MYBPC1: variants seen among roughly 807,000 people sequenced by gnomAD.
The protein encoded by MYBPC1 is myosin-binding protein C, slow-type.
In MYBPC1, 52 loss-of-function variants were observed where a neutral mutation model predicts 147.1. That is an observed-to-expected ratio of 0.35 (90% CI 0.28 to 0.45). The LOEUF (loss-of-function observed/expected upper bound fraction) is 0.45, where lower values mean the gene tolerates loss of function less well. Among genes scored for constraint, MYBPC1 ranks in the 20% least tolerant of loss-of-function variants. MYBPC1 has a pLI of 1.00. For synonymous variants in MYBPC1, 477 were observed against 475.9 expected (o/e 1.00, Z -0.03); for missense variants, 1,228 against 1,440.3 (o/e 0.85, Z 2.39).
chr12:101,605,218 T>C (rs559484965), intron 1 of MYBPC1, among the ~76,000 whole-genome samples: 1 of 152,328 alleles, frequency 6.6e-6, no homozygotes, highest in African/African-American at 2.4e-5. Context: ...TATTGCCCTT[T>C]TGTCTCTATT....
At chr12:101,657,038 T>A (rs1202548909) in intron 18 of MYBPC1, among the ~76,000 whole-genome samples, 1 of 151,812 alleles carries the variant, frequency 6.6e-6, no homozygotes, top group Non-Finnish European at 1.5e-5. Context: ...AATAAATAAA[T>A]TACAGAAGTG....
At chr12:101,661,059 G>A in intron 19 of MYBPC1, 99 bp from the exon 20 acceptor site, 1 of 762,806 alleles carries the variant, frequency 1.3e-6, no homozygotes, top group Non-Finnish European at 2.2e-6. Context: ...AGAAATAACA[G>A]TTTCAATGAT....
chr12:101,616,344 T>C (rs1886064723), intron 2 of MYBPC1, among the ~76,000 whole-genome samples: 1 of 152,188 alleles, frequency 6.6e-6, no homozygotes, highest in African/African-American at 2.4e-5. Flanking sequence ...AACAAACCTT[T>C]CCCTTCTGTT....
At chr12:101,616,140 A>G (rs1174244101) in intron 2 of MYBPC1, among the ~76,000 whole-genome samples, 1 of 152,220 alleles carries the variant, frequency 6.6e-6, no homozygotes, top group Non-Finnish European at 1.5e-5. Flanking sequence ...GAAATGAACG[A>G]AAACTGGCTC....
At chr12:101,684,914 T>G (rs1951261657) in intron 31 of MYBPC1, among the ~76,000 whole-genome samples, 1 of 152,212 alleles carries the variant, frequency 6.6e-6, no homozygotes, top group Non-Finnish European at 1.5e-5. Context: ...ACCATGAATT[T>G]TTGTGGTTTC....
chr12:101,626,967 G>A, intron 4 of MYBPC1, 57 bp downstream of exon 4: 1 of 1,525,850 alleles, frequency 6.6e-7, no homozygotes, highest in Non-Finnish European at 9.1e-7. Context: ...ATTGACGGTA[G>A]AGGAAAAGAA....
At chr12:101,681,898 T>C (rs140647162) in intron 29 of MYBPC1, among the ~76,000 whole-genome samples, 1,772 of 152,086 alleles carry the variant, frequency 0.012, 39 homozygotes, top group African/African-American at 0.04. Flanking sequence ...CGTGAGCCAC[T>C]GCACCCAGCT....
In MYBPC1 at chr12:101,627,804, G is replaced by C; in HGVS notation, c.178G>C (p.Asp60His). 1 of 1,613,784 alleles carries C rather than the reference G, an allele frequency of 6.2e-7. No individual in the cohort carries two copies. Among genetic ancestry groups the C allele is most frequent in the Non-Finnish European group, 8.5e-7 (1 of 1,179,742 alleles). The change falls in exon 5 of 32, where the codon GAC (aspartate) becomes CAC (histidine). Residue 60 changes from aspartate to histidine, a missense_variant and splice_region_variant. By Grantham distance (81) the Asp-to-His change is moderately conservative. This residue lies in a region of MYBPC1 where 151 missense variants were observed against 126.1 expected (regional missense o/e 1.20). Coordinates refer to ENST00000361466, the MANE Select transcript of MYBPC1 (RefSeq NM_002465.4). ...TCGGGCCCTGGAGAGAAAAGATTCA[G>C]GTGAGCGCAAGCCCAGAGAAGGCAT... ...GSRALERKDSDWTLVETPPGE... is the reference protein window; with the variant it reads ...GSRALERKDSHWTLVETPPGE...
At chr12:101,665,206 T>C (rs76219998) in intron 22 of MYBPC1, among the ~76,000 whole-genome samples, 6,148 of 152,284 alleles carry the variant, frequency 0.04, 194 homozygotes, top group South Asian at 0.14. Flanking sequence ...CATATGTATA[T>C]GTACACAGTC....
Position 101,642,509 on chromosome 12 carries a change from C to A in MYBPC1, c.756C>A (p.Phe252Leu). 6.2e-7 allele frequency: 1 copy of A among 1,613,830 alleles called. No homozygotes were observed. Among genetic ancestry groups the A allele is most frequent in the Non-Finnish European group, 8.5e-7 (1 of 1,179,900 alleles). ...CCAGTGAGTACGAGAAGATCGCCTTCCAGTATGGAATCACCGACCTGCGCG... is the reference window on the plus strand; with the variant it reads ...CCAGTGAGTACGAGAAGATCGCCTTACAGTATGGAATCACCGACCTGCGCG... ...AKPSEYEKIA[F>L]QYGITDLRGM... The change falls in exon 11 of 32, where the codon TTC becomes TTA. Residue 252 changes from phenylalanine to leucine, a missense_variant. Transcript: ENST00000361466.
At position 101,632,035 on chromosome 12, in the gene MYBPC1, G is replaced by A. The variant is rs377210489; in HGVS notation, c.453G>A (p.Glu151=). 1 of 1,612,288 alleles carries A rather than the reference G, an allele frequency of 6.2e-7. No individual in the cohort carries two copies. ...FERHSRVYTF[E]MQIIKAKDNF... ...TTTCATTGCAGGTGTACACATTTGA[G>A]ATGCAGATCATCAAGGCCAAAGATA... The change falls in exon 8 of 32, where the codon GAG becomes GAA. Residue 151 remains glutamate, a synonymous_variant. Coordinates refer to ENST00000361466, the MANE Select transcript of MYBPC1 (RefSeq NM_002465.4).
At chr12:101,670,492 T>TTCA (rs1397376010) in intron 24 of MYBPC1, 83 bp downstream of exon 24, 1 of 1,141,456 alleles carries the variant, frequency 8.8e-7, no homozygotes, top group Non-Finnish European at 1.3e-6. Flanking sequence ...AGCATTTAAG[T>TTCA]TCATCATGAT....
At chr12:101,668,676 G>T (rs1319564180) in intron 23 of MYBPC1, among the ~76,000 whole-genome samples, 2 of 152,026 alleles carry the variant, frequency 1.3e-5, no homozygotes, top group Non-Finnish European at 2.9e-5. Context: ...TGTTGGTCAG[G>T]CTGGTCTCGA....
At chr12:101,651,521 G>C in intron 16 of MYBPC1, 128 bp downstream of exon 16, 1 of 1,209,998 alleles carries the variant, frequency 8.3e-7, no homozygotes, top group Non-Finnish European at 1.2e-6. Context: ...CTGATTCTTC[G>C]CTTCCAACTA....
Position 101,614,463 on chromosome 12 carries a change from G to A in MYBPC1, c.26-33G>A, listed in dbSNP as rs765046388. The A allele has an allele frequency of 1.2e-5, 19 of 1,613,226 alleles. No individual in the cohort carries two copies. In the East Asian group the frequency reaches 4.0e-4, roughly 34 times the overall value. ...AGCAGTTCTTCTCTGTGATAAATGA[G>A]CCTGACATTTCCATGACTCTTTCCA... On this transcript the variant is annotated intron_variant, in intron 1 of 31. Transcript: ENST00000361466.
At chr12:101,679,932 A>G (rs181906920) in intron 28 of MYBPC1, among the ~76,000 whole-genome samples, 1 of 152,378 alleles carries the variant, frequency 6.6e-6, no homozygotes, top group Non-Finnish European at 1.5e-5. Flanking sequence ...TTCAAGCTGA[A>G]CAATATGATG....
chr12:101,602,696 T>C (rs1338521966), intron 1 of MYBPC1, among the ~76,000 whole-genome samples: 2 of 152,174 alleles, frequency 1.3e-5, no homozygotes, highest in Non-Finnish European at 2.9e-5. Flanking sequence ...TCCTCACTAG[T>C]GTAATATTTA....
At chr12:101,641,634 TAAC>T (rs1892066656) in intron 10 of MYBPC1, among the ~76,000 whole-genome samples, 1 of 152,206 alleles carries the variant, frequency 6.6e-6, no homozygotes, top group African/African-American at 2.4e-5. Context: ...CTTCACAGTT[TAAC>T]ATTTGTATTT....
rs1371549376 is a variant in MYBPC1 at position 101,673,455 on chromosome 12, A to G, written c.2642A>G (p.Lys881Arg). The change falls in exon 25 of 32, where the codon AAG (lysine) becomes AGG (arginine). Residue 881 changes from lysine (K) to arginine (R), a missense_variant. Coordinates refer to ENST00000361466, the MANE Select transcript of MYBPC1 (RefSeq NM_002465.4). ...AAACCAAGACCAGAATTAACTTGGA[A>G]GAAGGATGGTGCAGAAATTGATAAG... ...QGKPRPELTW[K>R]KDGAEIDKNQ... is the part of the protein sequence containing the mutation. The G allele has an allele frequency of 6.2e-7, 1 of 1,613,120 alleles. No homozygotes were observed. The highest frequency in any genetic ancestry group is 8.5e-7 in the Non-Finnish European group (1 of 1,179,994).
Sources: gnomAD v4.1 joint callset for allele counts (sites outside exome capture counted in the v4.1 genomes callset) on GRCh38, gnomAD v4.1.1 for gene constraint, gnomAD v4.1.1 regional missense constraint, MANE v1.5 for transcripts, NCBI Gene and HGNC (gene_info 2026-07-23, HGNC 2026-07-21) for gene names.